DPYD: variants seen among roughly 807,000 people sequenced by gnomAD.
The protein encoded by DPYD is dihydropyrimidine dehydrogenase [NADP(+)].
Under a neutral mutation model 116.2 loss-of-function variants are expected in DPYD, and 109 were observed. The observed-to-expected ratio is 0.94, with a 90% confidence interval of 0.80 to 1.10. DPYD has a LOEUF of 1.10. Ranked by LOEUF, DPYD falls within the 50% of genes least tolerant of loss-of-function variation. The pLI, the probability that DPYD is intolerant of heterozygous loss-of-function variation, is 0.00. For missense variants in DPYD, 1,302 were observed against 1,254.5 expected, an observed-to-expected ratio of 1.04 and a Z score of -0.57; for synonymous variants, 440 against 432.0, an observed-to-expected ratio of 1.02 and a Z score of -0.23.
intron 14 of DPYD, among the ~76,000 whole-genome samples, chr1:97,390,874 C>A (rs762949608): frequency 3.3e-5 from 5 of 151,738 alleles, no homozygotes; most frequent in Non-Finnish European, 5.9e-5. Context: ...TTTCTGTCCC[C>A]AATATGCTTA....
chr1:97,766,850 A>G (rs1665884868), intron 3 of DPYD, among the ~76,000 whole-genome samples: 1 of 152,212 alleles, frequency 6.6e-6, no homozygotes, highest in African/African-American at 2.4e-5. Context: ...TTTCTATAGG[A>G]AAGAATAAGT....
At chr1:97,680,132 A>G (rs1470753955) in intron 7 of DPYD, among the ~76,000 whole-genome samples, 9 of 152,152 alleles carry the variant, frequency 5.9e-5, no homozygotes, top group Admixed American at 4.6e-4. Context: ...AGTCTCTAAG[A>G]GCATAATTGA....
chr1:97,572,616 ATT>A (rs1003076783), intron 11 of DPYD, among the ~76,000 whole-genome samples: 1 of 151,962 alleles, frequency 6.6e-6, no homozygotes, highest in African/African-American at 2.4e-5. Flanking sequence ...TTTATATATC[ATT>A]CTTTTTTCCT....
At chr1:97,822,692 A>C (rs1669016933) in intron 3 of DPYD, among the ~76,000 whole-genome samples, 1 of 152,170 alleles carries the variant, frequency 6.6e-6, no homozygotes, top group Admixed American at 6.5e-5. Flanking sequence ...AGAATGTGAG[A>C]ATGGCTGTCT....
chr1:97,190,951 C>G (rs201194711), intron 20 of DPYD, among the ~76,000 whole-genome samples: 1 of 152,082 alleles, frequency 6.6e-6, no homozygotes, highest in Non-Finnish European at 1.5e-5. Context: ...TACAAAGGGT[C>G]TACATTTTCT....
At chr1:97,365,059 T>C (rs1670951260) in intron 16 of DPYD, among the ~76,000 whole-genome samples, 1 of 152,188 alleles carries the variant, frequency 6.6e-6, no homozygotes. Flanking sequence ...GTTTAATTTG[T>C]CTTATTCCTT....
At chr1:97,579,382 C>A (rs1353735127) in intron 10 of DPYD, among the ~76,000 whole-genome samples, 2 of 152,138 alleles carry the variant, frequency 1.3e-5, no homozygotes, top group African/African-American at 2.4e-5. Context: ...GGCTATTAAA[C>A]ATCCATCCCA....
chr1:97,313,177 T>C (rs1014719509), intron 16 of DPYD, among the ~76,000 whole-genome samples: 1 of 151,938 alleles, frequency 6.6e-6, no homozygotes, highest in Non-Finnish European at 1.5e-5. Flanking sequence ...GCGCAGAACC[T>C]GACACATAGT....
At chr1:97,137,467 G>A (rs559215774) in intron 20 of DPYD, among the ~76,000 whole-genome samples, 1 of 152,252 alleles carries the variant, frequency 6.6e-6, no homozygotes, top group Non-Finnish European at 1.5e-5. Context: ...TTCAGACAGG[G>A]GAATAGGTTT....
chr1:97,705,640 T>G (rs1162346679), intron 5 of DPYD, among the ~76,000 whole-genome samples: 4 of 151,512 alleles, frequency 2.6e-5, no homozygotes, highest in Non-Finnish European at 5.9e-5. Context: ...ATCCTTTGGG[T>G]ATATACCCAG....
chr1:97,561,458 G>A (rs757056978), intron 11 of DPYD, among the ~76,000 whole-genome samples: 1 of 152,026 alleles, frequency 6.6e-6, no homozygotes, highest in Non-Finnish European at 1.5e-5. Context: ...GGACTGTGCT[G>A]GATCTTTGGG....
At chr1:97,126,945 T>C (rs1330820503) in intron 20 of DPYD, among the ~76,000 whole-genome samples, 4 of 152,188 alleles carry the variant, frequency 2.6e-5, no homozygotes, top group Non-Finnish European at 5.9e-5. Context: ...ACAAATATTT[T>C]TGAGTTGTGT....
At chr1:97,628,793 G>C (rs920230769) in intron 8 of DPYD, among the ~76,000 whole-genome samples, 1 of 151,948 alleles carries the variant, frequency 6.6e-6, no homozygotes, top group Non-Finnish European at 1.5e-5. Context: ...AATGTACTAC[G>C]TACTAGTAAT....
chr1:97,085,283 G>A (rs1192218556), intron 21 of DPYD, among the ~76,000 whole-genome samples: 1 of 152,204 alleles, frequency 6.6e-6, no homozygotes, highest in African/African-American at 2.4e-5. Flanking sequence ...CAGTCAACAA[G>A]TGTATAAGCC....
chr1:97,830,626 C>G (rs1009359105), intron 2 of DPYD, among the ~76,000 whole-genome samples: 4 of 151,764 alleles, frequency 2.6e-5, no homozygotes, highest in African/African-American at 9.7e-5. Context: ...AGGAGAATTC[C>G]TTGAACCTGG....
chr1:97,831,833 G>A lies in DPYD; in HGVS notation c.151-3637C>T, dbSNP rs149473207. 1.2e-3 allele frequency among the ~76,000 whole-genome samples: 181 copies of A among 151,910 alleles called. 1 individual carries two copies. Among genetic ancestry groups the A allele is most frequent in the African/African-American group, 4.1e-3 (171 of 41,450 alleles). On this transcript the variant is annotated intron_variant, in intron 2 of 22. Transcript: ENST00000370192. ...TAGTAATAAAATACTGGAACAAAAC[G>A]CAGGCCTGCTAGCCTAGACAATGTG...
intron 14 of DPYD, among the ~76,000 whole-genome samples, chr1:97,402,929 G>A (rs1673450605): frequency 6.6e-6 from 1 of 151,972 alleles, no homozygotes; most frequent in Non-Finnish European, 1.5e-5. Context: ...TTTTTTGAAT[G>A]TTGAACCAGC....
At chr1:97,655,189 G>C (rs1658835664) in intron 8 of DPYD, among the ~76,000 whole-genome samples, 1 of 152,034 alleles carries the variant, frequency 6.6e-6, no homozygotes, top group Non-Finnish European at 1.5e-5. Flanking sequence ...CTTGACCCTT[G>C]CATTTCCTAA....
intron 10 of DPYD, among the ~76,000 whole-genome samples, chr1:97,587,579 A>G (rs1242666604): frequency 3.9e-5 from 6 of 152,246 alleles, no homozygotes; most frequent in Admixed American, 6.5e-5. Flanking sequence ...TAATCCCCGC[A>G]CTTTGGGAGG....
Sources: gnomAD v4.1 joint callset for allele counts (sites outside exome capture counted in the v4.1 genomes callset) on GRCh38, gnomAD v4.1.1 for gene constraint, MANE v1.5 for transcripts, NCBI Gene and HGNC (gene_info 2026-07-23, HGNC 2026-07-21) for gene names.